Variants in FAM234A observed in about 807,000 individuals in gnomAD.
The protein encoded by FAM234A is protein FAM234A.
FAM234A carries 42 observed loss-of-function variants against 49.1 expected under a neutral mutation model. That is an observed-to-expected ratio of 0.86 (90% CI 0.67 to 1.11). The LOEUF is 1.11. FAM234A is among the 50% of genes least tolerant of loss of function. FAM234A has a pLI of 0.00. For missense variants in FAM234A, 815 were observed against 745.2 expected, an observed-to-expected ratio of 1.09 and a Z score of -1.09; for synonymous variants, 369 against 316.2, an observed-to-expected ratio of 1.17 and a Z score of -1.77.
intron 8 of FAM234A, among the ~76,000 whole-genome samples, chr16:262,806 GTT>G (rs762650673): frequency 2.3e-5 from 3 of 130,624 alleles, no homozygotes; most frequent in Non-Finnish European, 1.7e-5. Context: ...TCTCTTTTCT[GTT>G]TTTTTTTTTT....
intron 11 of FAM234A, 133 bp from the exon 12 acceptor site, chr16:264,480 TG>T: frequency 2.7e-6 from 2 of 743,118 alleles, no homozygotes; most frequent in Non-Finnish European, 4.4e-6. Context: ...GCCACAGAAC[TG>T]GGGGCTGGCA....
intron 1 of FAM234A, among the ~76,000 whole-genome samples, chr16:239,471 C>T (rs1487407245): frequency 1.0e-4 from 15 of 149,970 alleles, no homozygotes; most frequent in Non-Finnish European, 1.0e-4. Flanking sequence ...AAAAACTAGT[C>T]GGACGTGGTG....
rs534337031 is a variant in FAM234A at position 262,888 on chromosome 16, C to T, written c.971+335C>T. ...AGGCTGGAGTGCAGTGGTGCGATCT[C>T]GGTTCACTGCAACCTCCGCCTCCCG... On this transcript the variant is annotated intron_variant, in intron 8 of 12. Coordinates refer to ENST00000399932, the MANE Select transcript of FAM234A (RefSeq NM_032039.4). 2.7e-3 allele frequency among the ~76,000 whole-genome samples: 406 copies of T among 148,462 alleles called. 2 individuals carry two copies. Among genetic ancestry groups the T allele is most frequent in the African/African-American group, 9.8e-3 (394 of 40,216 alleles).
chr16:263,875 A>G (rs1311050685), intron 10 of FAM234A, 100 bp downstream of exon 10: 33 of 1,387,012 alleles, frequency 2.4e-5, no homozygotes, highest in Non-Finnish European at 2.9e-5. Context: ...TGCTGCCGTC[A>G]GAGCTGCTGA....
intron 3 of FAM234A, among the ~76,000 whole-genome samples, chr16:255,623 T>A (rs539237034): frequency 1.1e-4 from 17 of 152,312 alleles, no homozygotes; most frequent in African/African-American, 4.1e-4. Context: ...TGTTCCCTCC[T>A]CTCCTAGCCC....
chr16:243,422 G>C (rs1319837889), intron 1 of FAM234A, among the ~76,000 whole-genome samples: 1 of 152,080 alleles, frequency 6.6e-6, no homozygotes, highest in Non-Finnish European at 1.5e-5. Context: ...CTCTGACCTG[G>C]GTCCATGGGG....
Position 265,688 on chromosome 16 carries a change from C to T in FAM234A, c.*666C>T, listed in dbSNP as rs1365726633. 2.0e-6 allele frequency: 2 copies of T among 985,430 alleles called. No individual in the cohort carries two copies. The highest frequency in any genetic ancestry group is 1.1e-4 in the East Asian group (1 of 8,816). The allele number at this position is 985,430 out of a possible 1,614,324, so 61.0% of individuals were successfully genotyped here. On this transcript the variant is annotated 3_prime_UTR_variant, in exon 13 of 13. Coordinates refer to ENST00000399932, the MANE Select transcript of FAM234A (RefSeq NM_032039.4). ...CCCCCAGCAGGATGGGTGGGGCCTG[C>T]TCTGGAGCTGAGCCCGTGGCCGCTC...
At chr16:259,805 T>G (rs2051384509) in intron 4 of FAM234A, among the ~76,000 whole-genome samples, 164 bp from the exon 5 acceptor site, 1 of 152,126 alleles carries the variant, frequency 6.6e-6, no homozygotes, top group Non-Finnish European at 1.5e-5. Flanking sequence ...GGGGTCAGCA[T>G]TAGAGCCCCG....
chr16:257,566 G>GA lies in FAM234A; in HGVS notation c.269-1914dup, dbSNP rs2051286261. Among the ~76,000 whole-genome samples, 7 of 151,840 alleles carry GA rather than the reference G, an allele frequency of 4.6e-5. 1 individual carries two copies. In the South Asian group the frequency reaches 1.5e-3, roughly 32 times the overall value. ...CAGCCTCCTGTGCTTTTGTATCAAA[G>GA]AAACCATCACCAGATCCCTTGTCAT... On this transcript the variant is annotated intron_variant, in intron 3 of 12. Coordinates refer to ENST00000399932, the MANE Select transcript of FAM234A (RefSeq NM_032039.4).
At chr16:268,119 C>T (rs1241615750), downstream of FAM234A, among the ~76,000 whole-genome samples, 1 of 149,584 alleles carries the variant, frequency 6.7e-6, no homozygotes, top group African/African-American at 2.5e-5. Flanking sequence ...GCCTCATACA[C>T]ACGACACGTG....
In FAM234A at chr16:244,347, G is replaced by A. The variant is rs563306028; in HGVS notation, c.-139-5202G>A. On this transcript the variant is annotated intron_variant, in intron 1 of 12. Coordinates refer to ENST00000399932, the MANE Select transcript of FAM234A (RefSeq NM_032039.4). The stretch of plus-strand genomic sequence containing the variant: ...AGAATTGTAACATGCCAGGGGTTTG[G>A]CTCTTCTTTCAGTATTTCTTCAGGC... Among the ~76,000 whole-genome samples, 6 of 152,232 alleles carry A rather than the reference G, an allele frequency of 3.9e-5. No homozygotes were observed. The East Asian group carries it at 1.2e-3, about 29-fold the overall frequency.
chr16:261,430 C>T lies in FAM234A; in HGVS notation c.624C>T (p.Ser208=). The T allele has an allele frequency of 6.2e-7, 1 of 1,613,518 alleles. No homozygotes were observed. Among genetic ancestry groups the T allele is most frequent in the Non-Finnish European group, 8.5e-7 (1 of 1,179,776 alleles). The change falls in exon 6 of 13, where the codon TCC becomes TCT. Residue 208 remains serine (S), a synonymous_variant. Coordinates refer to ENST00000399932, the MANE Select transcript of FAM234A (RefSeq NM_032039.4). ...GCAGCAGCTTCAGCGGGAATGCGTCCATCCTGAGCCCTCTGCTGCAGGTGC... is the reference window on the plus strand; with the variant it reads ...GCAGCAGCTTCAGCGGGAATGCGTCTATCCTGAGCCCTCTGCTGCAGGTGC... ...NHSSSFSGNA[S]ILSPLLQVPD...
intron 8 of FAM234A, among the ~76,000 whole-genome samples, chr16:262,804 CTGTTTTTTTTTTTTTTGGT>C (rs1272470192): frequency 1.4e-5 from 2 of 145,896 alleles, no homozygotes; most frequent in African/African-American, 5.1e-5. Context: ...CTTCTCTTTT[CTGTTTTTTTTTTTTTTGGT>C]TGTTTTTTTT....
In FAM234A at chr16:265,844, C is replaced by G. The variant is rs1018050727; in HGVS notation, c.*822C>G. ...AGTAGACACTGGAGCTGCTCTGTCC[C>G]TGAAGAGGCCCCGTGCCCCAGGCAT... On this transcript the variant is annotated 3_prime_UTR_variant, in exon 13 of 13. Transcript: ENST00000399932. 1.1e-5 allele frequency: 11 copies of G among 985,974 alleles called. No homozygotes were observed. The South Asian group carries it at 5.2e-4, about 46-fold the overall frequency. The allele number at this position is 985,974 out of a possible 1,614,324, so 61.1% of individuals were successfully genotyped here. A position where few individuals can be genotyped will look rare whatever the true frequency, so the allele number is the denominator to read the frequency against.
Position 263,691 on chromosome 16 carries a change from T to C in FAM234A, c.1113-9T>C. 6.2e-7 allele frequency: 1 copy of C among 1,611,250 alleles called. No individual in the cohort carries two copies. The highest frequency in any genetic ancestry group is 1.1e-5 in the South Asian group (1 of 91,032). On this transcript the variant is annotated splice_polypyrimidine_tract_variant and intron_variant, in intron 9 of 12. Coordinates refer to ENST00000399932, the MANE Select transcript of FAM234A (RefSeq NM_032039.4). The stretch of plus-strand genomic sequence containing the variant: ...ACCCCTCGTGAGCGCTTCCTCCATA[T>C]TGTTCCAGAAAACCCATCTTCGGCC...
Position 254,641 on chromosome 16 carries a change from G to A in FAM234A, c.228G>A (p.Pro76=). 6.2e-7 allele frequency: 1 copy of A among 1,612,814 alleles called. No homozygotes were observed. Among genetic ancestry groups the A allele is most frequent in the Non-Finnish European group, 8.5e-7 (1 of 1,179,482 alleles). ...TCGTCATCCCGTGTCCAGACCGGCC[G>A]GCGTCACAGCGAATGTGGAGGATAG... The part of the protein sequence containing the change: ...VSFVIPCPDR[P]ASQRMWRIDY... Residue 76 remains proline (P), a synonymous_variant, in exon 3 of 13, where the codon CCG becomes CCA. Coordinates refer to ENST00000399932, the MANE Select transcript of FAM234A (RefSeq NM_032039.4).
intron 4 of FAM234A, 133 bp from the exon 5 acceptor site, chr16:259,836 G>C: frequency 2.4e-6 from 2 of 836,350 alleles, no homozygotes; most frequent in South Asian, 1.6e-5. Context: ...AGATACAGGA[G>C]ATCCACCTGG....
intron 1 of FAM234A, among the ~76,000 whole-genome samples, chr16:241,778 T>C (rs932850122): frequency 7.3e-5 from 11 of 151,618 alleles, no homozygotes; most frequent in Non-Finnish European, 1.3e-4. Context: ...TTAGCCGGGC[T>C]TGGTGGCGGG....
chr16:241,249 G>A (rs745636450), intron 1 of FAM234A, among the ~76,000 whole-genome samples: 3 of 145,952 alleles, frequency 2.1e-5, no homozygotes, highest in Admixed American at 1.4e-4. Context: ...TATCTTGACC[G>A]CAGAGGAGGT....
Sources: allele counts gnomAD v4.1 joint callset (sites outside exome capture counted in the v4.1 genomes callset), GRCh38; gene constraint gnomAD v4.1.1; transcripts MANE v1.5; gene names NCBI Gene and HGNC (gene_info 2026-07-23, HGNC 2026-07-21).